Variants in PEAK1 observed in about 807,000 individuals in gnomAD.
PEAK1 encodes pseudopodium enriched atypical kinase 1.
Under a neutral mutation model 124.7 loss-of-function variants are expected in PEAK1, and 54 were observed. The ratio of observed to expected loss-of-function variants is 0.43; its 90% CI spans 0.35 to 0.54. The LOEUF (loss-of-function observed/expected upper bound fraction) is 0.54, where lower values mean the gene tolerates loss of function less well. Among genes scored for constraint, PEAK1 ranks in the 20% least tolerant of loss-of-function variants. PEAK1 has a pLI of 0.01. For synonymous variants in PEAK1, 719 were observed against 760.0 expected (o/e 0.95, Z 0.89); for missense variants, 2,046 against 2,134.5 (o/e 0.96, Z 0.82).
At chr15:77,206,445 A>G (rs1445397283) in intron 6 of PEAK1, among the ~76,000 whole-genome samples, 1 of 146,820 alleles carries the variant, frequency 6.8e-6, no homozygotes, top group African/African-American at 2.5e-5. Flanking sequence ...TCCCACCAAC[A>G]GTGTAAAAGT....
At chr15:77,125,302 T>C (rs1206582613) in intron 9 of PEAK1, among the ~76,000 whole-genome samples, 1 of 152,176 alleles carries the variant, frequency 6.6e-6, no homozygotes, top group Non-Finnish European at 1.5e-5. Context: ...CTCATGATAA[T>C]GCAATGATCA....
intron 1 of PEAK1, among the ~76,000 whole-genome samples, chr15:77,398,456 T>C (rs1018975837): frequency 2.0e-5 from 3 of 152,194 alleles, no homozygotes; most frequent in African/African-American, 4.8e-5. Flanking sequence ...AAGGATGGCT[T>C]GACATATGCA....
At chr15:77,348,428 T>A (rs1406363719) in intron 2 of PEAK1, 5 of 930,864 alleles carry the variant, frequency 5.4e-6, no homozygotes, top group Non-Finnish European at 6.4e-6. Context: ...AAAAAACAGC[T>A]GATTTTTTAA....
At chr15:77,311,525 A>G (rs1193391751) in intron 2 of PEAK1, among the ~76,000 whole-genome samples, 3 of 151,814 alleles carry the variant, frequency 2.0e-5, no homozygotes, top group Non-Finnish European at 4.4e-5. Flanking sequence ...AAAATACAAA[A>G]ATTAGGCGTG....
At chr15:77,410,033 C>T (rs1158325626) in intron 1 of PEAK1, among the ~76,000 whole-genome samples, 2 of 150,240 alleles carry the variant, frequency 1.3e-5, no homozygotes, top group Non-Finnish European at 1.5e-5. Flanking sequence ...AGACAGTAAT[C>T]GTGGTTTTTT....
intron 2 of PEAK1, among the ~76,000 whole-genome samples, chr15:77,355,189 A>T (rs1420175355): frequency 6.6e-6 from 1 of 152,186 alleles, no homozygotes; most frequent in African/African-American, 2.4e-5. Context: ...GGAAAGTAGC[A>T]TGGTGTAGTG....
chr15:77,159,528 T>C (rs932741590), intron 7 of PEAK1, among the ~76,000 whole-genome samples: 1 of 152,240 alleles, frequency 6.6e-6, no homozygotes, highest in Non-Finnish European at 1.5e-5. Context: ...CTCAATGGAC[T>C]GGTCAATTAA....
At chr15:77,407,948 TATACAC>T (rs2071996700) in intron 1 of PEAK1, among the ~76,000 whole-genome samples, 1 of 80,504 alleles carries the variant, frequency 1.2e-5, no homozygotes, top group Non-Finnish European at 3.8e-5. Flanking sequence ...TATATACACA[TATACAC>T]ACATATATAC....
chr15:77,359,796 A>G (rs1379219150), intron 2 of PEAK1, among the ~76,000 whole-genome samples: 2 of 152,218 alleles, frequency 1.3e-5, no homozygotes, highest in East Asian at 3.8e-4. Flanking sequence ...ACCTAAATAA[A>G]TGGAAAAACA....
At chr15:77,384,554 A>G (rs2069763640) in intron 1 of PEAK1, among the ~76,000 whole-genome samples, 1 of 152,232 alleles carries the variant, frequency 6.6e-6, no homozygotes, top group African/African-American at 2.4e-5. Flanking sequence ...TTAAGCATAC[A>G]TTAAGAGCAA....
At chr15:77,166,812 C>A (rs999339421) in intron 7 of PEAK1, among the ~76,000 whole-genome samples, 1 of 151,882 alleles carries the variant, frequency 6.6e-6, no homozygotes, top group African/African-American at 2.4e-5. Context: ...GCTCAAGTAA[C>A]TTATCCAAGA....
intron 1 of PEAK1, among the ~76,000 whole-genome samples, chr15:77,368,715 TCAA>T (rs1376625064): frequency 6.6e-6 from 1 of 152,184 alleles, no homozygotes; most frequent in African/African-American, 2.4e-5. Flanking sequence ...CAAATTGTAA[TCAA>T]CAAGTAAAAA....
At chr15:77,403,039 G>A (rs2071507808) in intron 1 of PEAK1, 1 of 985,040 alleles carries the variant, frequency 1.0e-6, no homozygotes, top group Non-Finnish European at 1.2e-6. Context: ...ATGAAATGTT[G>A]CATCCCATTG....
intron 6 of PEAK1, among the ~76,000 whole-genome samples, chr15:77,194,198 T>C (rs2057995306): frequency 6.6e-6 from 1 of 152,204 alleles, no homozygotes; most frequent in Non-Finnish European, 1.5e-5. Flanking sequence ...TCAGGTTTTA[T>C]CTTTCCTAAT....
chr15:77,269,860 G>C (rs1173633618), intron 5 of PEAK1, among the ~76,000 whole-genome samples: 2 of 152,096 alleles, frequency 1.3e-5, no homozygotes, highest in Non-Finnish European at 2.9e-5. Context: ...CAGAGATTCT[G>C]GTATGTTGTA....
Position 77,114,340 on chromosome 15 carries a change from T to G in PEAK1, c.5057A>C (p.Gln1686Pro). ...QTFTACPSLV[Q>P]RNTLLQNWLD... ...CCAGTTTTGGAGCAGGGTGTTCCTC[T>G]GTACTAGGCTAGGGCAGGCGGTGAA... The change falls in exon 10 of 10, where the codon CAG becomes CCG. Residue 1686 changes from glutamine to proline, a missense_variant. Transcript: ENST00000682557. The G allele has an allele frequency of 6.2e-7, 1 of 1,614,204 alleles. No individual in the cohort carries two copies. Among genetic ancestry groups the G allele is most frequent in the Non-Finnish European group, 8.5e-7 (1 of 1,180,026 alleles).
intron 6 of PEAK1, among the ~76,000 whole-genome samples, chr15:77,207,529 G>T (rs917826219): frequency 4.6e-5 from 7 of 152,248 alleles, no homozygotes; most frequent in South Asian, 4.1e-4. Flanking sequence ...AGACATAGAA[G>T]AACCTTGAAT....
chr15:77,191,399 C>T (rs1018723385), intron 6 of PEAK1, among the ~76,000 whole-genome samples: 2 of 152,202 alleles, frequency 1.3e-5, no homozygotes, highest in Non-Finnish European at 2.9e-5. Context: ...CTCCTCCACA[C>T]ATATCCACAC....
rs372256940 is a variant in PEAK1 at position 77,114,386 on chromosome 15, G to A, written c.5011C>T (p.Arg1671Cys). ...GTGAAAGTCTGGAAGAGATCTTCGC[G>A]GGGGCCCCAGAGCAGACACTGGAGG... Reference protein sequence around the residue: ...GILQCLLWGPREDLFQTFTAC... With the variant: ...GILQCLLWGPCEDLFQTFTAC... Residue 1671 changes from arginine (R) to cysteine (C), a missense_variant, in exon 10 of 10, where the codon CGC becomes TGC. Transcript: ENST00000682557. The A allele has an allele frequency of 1.9e-6, 3 of 1,614,154 alleles. No individual in the cohort carries two copies. The highest frequency in any genetic ancestry group is 2.2e-5 in the East Asian group (1 of 44,874).
Sources: gnomAD v4.1 joint callset for allele counts (sites outside exome capture counted in the v4.1 genomes callset) on GRCh38, gnomAD v4.1.1 for gene constraint, MANE v1.5 for transcripts, NCBI Gene and HGNC (gene_info 2026-07-23, HGNC 2026-07-21) for gene names.